VGLL4: variants seen among roughly 807,000 people sequenced by gnomAD.
VGLL4 encodes transcription cofactor vestigial-like protein 4.
A neutral mutation model predicts 21.0 loss-of-function variants in VGLL4; 7 were observed. The ratio of observed to expected loss-of-function variants is 0.33; its 90% CI spans 0.19 to 0.63. The LOEUF is 0.63. Ranked by LOEUF, VGLL4 falls within the 20% of genes least tolerant of loss-of-function variation. The probability of loss-of-function intolerance (pLI) is 0.78; values close to 1 mark genes in which losing one functional copy is unlikely to be tolerated. For missense variants in VGLL4, 394 were observed against 425.7 expected (o/e 0.93, Z 0.66); for synonymous variants, 222 against 173.2 (o/e 1.28, Z -2.21).
In VGLL4 at chr3:11,558,385, C is replaced by T; in HGVS notation, c.*171G>A. The T allele has an allele frequency of 1.8e-6, 2 of 1,129,798 alleles. No homozygotes were observed. The highest frequency in any genetic ancestry group is 2.4e-6 in the Non-Finnish European group (2 of 820,790). 70.0% of individuals were successfully genotyped at this position (1,129,798 alleles called of 1,614,324 possible). On this transcript the variant is annotated 3_prime_UTR_variant, in exon 5 of 5. Transcript: ENST00000430365. ...GTTTGAGGGCCCCCTTGTACGGATACCAAGCAAGTACAAAAACAGAACACA... is the reference window on the plus strand; with the variant it reads ...GTTTGAGGGCCCCCTTGTACGGATATCAAGCAAGTACAAAAACAGAACACA...
intron 1 of VGLL4, among the ~76,000 whole-genome samples, chr3:11,602,731 A>G (rs1421737974): frequency 6.6e-6 from 1 of 152,180 alleles, no homozygotes; most frequent in East Asian, 1.9e-4. Context: ...CCACATTTCC[A>G]TTTGATTTGA....
intron 1 of VGLL4, among the ~76,000 whole-genome samples, chr3:11,631,982 T>C (rs921621008): frequency 6.6e-6 from 1 of 152,188 alleles, no homozygotes; most frequent in African/African-American, 2.4e-5. Flanking sequence ...GACCACAGTA[T>C]TTTCAGAACA....
chr3:11,583,172 C>T (rs1396204617), intron 2 of VGLL4, among the ~76,000 whole-genome samples: 7 of 152,202 alleles, frequency 4.6e-5, no homozygotes, highest in Non-Finnish European at 8.8e-5. Flanking sequence ...TACCCAAGCC[C>T]AGCTGCTTTC....
intron 2 of VGLL4, among the ~76,000 whole-genome samples, chr3:11,677,578 A>G (rs67149340): frequency 6.6e-6 from 1 of 151,896 alleles, no homozygotes; most frequent in Non-Finnish European, 1.5e-5. Context: ...CCCAGCCCAG[A>G]TTGCAAATTT....
At chr3:11,671,471 A>G (rs1374494148) in intron 2 of VGLL4, 4 of 689,032 alleles carry the variant, frequency 5.8e-6, no homozygotes, top group Non-Finnish European at 1.1e-5. Context: ...TGGTCCCAGG[A>G]CCCCCAGGTG....
At chr3:11,629,916 A>G (rs1278018011) in intron 1 of VGLL4, among the ~76,000 whole-genome samples, 1 of 152,206 alleles carries the variant, frequency 6.6e-6, no homozygotes, top group Non-Finnish European at 1.5e-5. Flanking sequence ...TTAACAGGCC[A>G]GTGGTTGGAT....
intron 1 of VGLL4, among the ~76,000 whole-genome samples, chr3:11,705,951 G>C (rs933064326): frequency 6.6e-6 from 1 of 151,960 alleles, no homozygotes; most frequent in African/African-American, 2.4e-5. Flanking sequence ...CTTGTGATTT[G>C]GGGTAGTAAC....
intron 2 of VGLL4, chr3:11,702,951 A>G: frequency 6.2e-7 from 1 of 1,606,320 alleles, no homozygotes; most frequent in Non-Finnish European, 8.5e-7. Flanking sequence ...AAGCTATTTT[A>G]TAATAGACTC....
intron 2 of VGLL4, among the ~76,000 whole-genome samples, chr3:11,685,915 A>G (rs1401610913): frequency 6.6e-6 from 1 of 152,224 alleles, no homozygotes; most frequent in African/African-American, 2.4e-5. Flanking sequence ...TCAGCTATAC[A>G]AATAGCCAAC....
rs1042549603 is a variant in VGLL4, at chr3:11,642,693, A to T, written c.82+744T>A. Among the ~76,000 whole-genome samples the T allele has an allele frequency of 2.6e-5, 4 of 152,358 alleles. No homozygotes were observed. In the East Asian group the frequency reaches 7.7e-4, roughly 29 times the overall value. ...CTGACTGCTACCAGAGACAGTTGGAAATACAAGACAGTGGGGGAAGCACCT... is the reference window on the plus strand; with the variant it reads ...CTGACTGCTACCAGAGACAGTTGGATATACAAGACAGTGGGGGAAGCACCT... On this transcript the variant is annotated intron_variant, in intron 1 of 4. Coordinates refer to ENST00000430365, the MANE Select transcript of VGLL4 (RefSeq NM_001128219.3).
In VGLL4 at chr3:11,589,239, G is replaced by C. The variant is rs117138621; in HGVS notation, c.272+12594C>G. Among the ~76,000 whole-genome samples the C allele has an allele frequency of 3.4e-3, 519 of 152,286 alleles. 8 individuals carry two copies. The highest frequency in any genetic ancestry group is 0.022 in the Admixed American group (332 of 15,294). Reference sequence around the variant, plus strand: ...GATAACAGCACTGGACTAGGGAGTGGATATAAAAGAACAGGTGATCTCTCT... The same window carrying C: ...GATAACAGCACTGGACTAGGGAGTGCATATAAAAGAACAGGTGATCTCTCT... On this transcript the variant is annotated intron_variant, in intron 2 of 4. Coordinates refer to ENST00000430365, the MANE Select transcript of VGLL4 (RefSeq NM_001128219.3).
chr3:11,649,181 C>T (rs1395323638), intron 2 of VGLL4, among the ~76,000 whole-genome samples: 2 of 152,186 alleles, frequency 1.3e-5, no homozygotes, highest in African/African-American at 2.4e-5. Flanking sequence ...CATTACAACA[C>T]CTTCAATAAT....
intron 2 of VGLL4, among the ~76,000 whole-genome samples, chr3:11,655,177 A>G (rs1374372247): frequency 6.6e-6 from 1 of 152,236 alleles, no homozygotes; most frequent in African/African-American, 2.4e-5. Context: ...AATCTGCAGT[A>G]GATGAATTTT....
At chr3:11,631,659 C>G (rs1167755833) in intron 1 of VGLL4, among the ~76,000 whole-genome samples, 4 of 152,172 alleles carry the variant, frequency 2.6e-5, no homozygotes. Context: ...TCCATGAACT[C>G]TCCTCTTGTA....
chr3:11,676,402 A>G (rs1450237194), intron 2 of VGLL4, among the ~76,000 whole-genome samples: 1 of 146,768 alleles, frequency 6.8e-6, no homozygotes, highest in Non-Finnish European at 1.5e-5. Flanking sequence ...CTCAAAAAAA[A>G]AAAAAAAATA....
upstream of VGLL4, among the ~76,000 whole-genome samples, chr3:11,645,940 C>T (rs1187188520): frequency 6.6e-6 from 1 of 152,074 alleles, no homozygotes; most frequent in Admixed American, 6.6e-5. Context: ...CCACTGCACT[C>T]CAGCCTGGGT....
intron 2 of VGLL4, among the ~76,000 whole-genome samples, chr3:11,667,798 C>A (rs1292555186): frequency 6.7e-6 from 1 of 149,574 alleles, no homozygotes; most frequent in African/African-American, 2.5e-5. Flanking sequence ...AAATAGAGAA[C>A]CTTTCTGACT....
intron 2 of VGLL4, among the ~76,000 whole-genome samples, chr3:11,570,436 C>T (rs1298396232): frequency 6.6e-6 from 1 of 152,226 alleles, no homozygotes; most frequent in African/African-American, 2.4e-5. Flanking sequence ...GCTTCTGAAG[C>T]ACAGCTCCCA....
At chr3:11,694,957 C>A (rs1326558640) in intron 2 of VGLL4, among the ~76,000 whole-genome samples, 1 of 151,868 alleles carries the variant, frequency 6.6e-6, no homozygotes, top group East Asian at 1.9e-4. Context: ...AAAGAAACTG[C>A]AAGCATAAGG....
Sources: gnomAD v4.1 joint callset for allele counts (sites outside exome capture counted in the v4.1 genomes callset) on GRCh38, gnomAD v4.1.1 for gene constraint, MANE v1.5 for transcripts, NCBI Gene and HGNC (gene_info 2026-07-23, HGNC 2026-07-21) for gene names.